The following CLU variants were observed in gnomAD, a reference collection of about 807,000 sequenced individuals.
The protein encoded by CLU is clusterin.
A neutral mutation model predicts 46.4 loss-of-function variants in CLU; 25 were observed. That is an observed-to-expected ratio of 0.54 (90% CI 0.39 to 0.75). The LOEUF is 0.75. CLU is among the 30% of genes least tolerant of loss of function. The pLI, the probability that CLU is intolerant of heterozygous loss-of-function variation, is 0.00. For missense variants in CLU, 504 were observed against 592.1 expected (o/e 0.85, Z 1.54); for synonymous variants, 235 against 235.1 (o/e 1.00, Z 0.00).
At chr8:27,608,100 C>T (rs531752658) in intron 3 of CLU, among the ~76,000 whole-genome samples, 1 of 152,038 alleles carries the variant, frequency 6.6e-6, no homozygotes, top group South Asian at 2.1e-4. Flanking sequence ...CAAGAAAGGG[C>T]ATGAAACTTG....
At chr8:27,608,875 G>A (rs1800870168) in intron 3 of CLU, 63 bp downstream of exon 3, 10 of 1,590,236 alleles carry the variant, frequency 6.3e-6, no homozygotes, top group Non-Finnish European at 8.6e-6. Context: ...ACCGCGCAGT[G>A]ACCCCCTCCC....
chr8:27,598,810 C>T (rs1188762952), intron 7 of CLU, 175 bp from the exon 8 acceptor site: 6 of 650,824 alleles, frequency 9.2e-6, no homozygotes, highest in East Asian at 5.5e-5. Context: ...GTGGACAGAA[C>T]GGACCTGGTT....
rs934124362 is a variant in CLU at position 27,605,282 on chromosome 8, G to A, written c.471C>T (p.Asp157=). Residue 157 remains aspartate, a synonymous_variant, in exon 5 of 9, where the codon GAC becomes GAT. Coordinates refer to ENST00000316403, the MANE Select transcript of CLU (RefSeq NM_001831.4). ...CGTTCTCCAGCAGGGAGTCGATGCG[G>A]TCACCATTCATCCAGAAGTAGAAGG... is the stretch of plus-strand genomic sequence containing the variant. ...SSPFYFWMNG[D]RIDSLLENDR... is the part of the protein sequence containing the mutation. The A allele has an allele frequency of 1.9e-6, 3 of 1,614,080 alleles. No homozygotes were observed. In the African/African-American group the frequency reaches 4.0e-5, roughly 22 times the overall value.
At chr8:27,610,030 A>T (rs1026024625) in intron 2 of CLU, among the ~76,000 whole-genome samples, 9 of 152,148 alleles carry the variant, frequency 5.9e-5, no homozygotes, top group Non-Finnish European at 1.3e-4. Flanking sequence ...AGCTGAGAAG[A>T]GGTGAAACAG....
intron 5 of CLU, 152 bp from the exon 6 acceptor site, chr8:27,604,547 A>C: frequency 1.3e-6 from 1 of 748,252 alleles, no homozygotes; most frequent in Non-Finnish European, 2.3e-6. Context: ...ATCATAGCTC[A>C]CTGCAGCCTC....
At position 27,614,643 on chromosome 8, in the gene CLU, G is replaced by A. The variant is rs1800981840; in HGVS notation, c.-30+12C>T. On this transcript the variant is annotated intron_variant, in intron 1 of 8. Transcript: ENST00000316403. The stretch of plus-strand genomic sequence containing the variant: ...GCTCTGCTCAAGGGTAGGGAAGACG[G>A]GGACATCTCACCGGTCAGCGGCACC... 5.7e-6 allele frequency: 3 copies of A among 526,486 alleles called. No homozygotes were observed. Among genetic ancestry groups the A allele is most frequent in the South Asian group, 1.4e-5 (1 of 71,244 alleles). 32.6% of individuals were successfully genotyped at this position (526,486 alleles called of 1,614,324 possible).
chr8:27,603,707 G>A (rs1025602064), intron 6 of CLU, among the ~76,000 whole-genome samples: 3 of 152,154 alleles, frequency 2.0e-5, no homozygotes, highest in East Asian at 1.9e-4. Flanking sequence ...CAGAGGCTGC[G>A]AGGGGCCCCA....
chr8:27,598,608 C>T lies in CLU; in HGVS notation c.1192G>A (p.Val398Ile), dbSNP rs746198403. 8.1e-6 allele frequency: 13 copies of T among 1,613,974 alleles called. No homozygotes were observed. The highest frequency in any genetic ancestry group is 2.2e-5 in the South Asian group (2 of 91,088). ...TVASHTSDSD[V>I]PSGVTEVVVK... ...ACCACCTCAGTGACACCGGAAGGAACGTCCGAGTCAGAAGTGTGGGAAGCC... is the reference window on the plus strand; with the variant it reads ...ACCACCTCAGTGACACCGGAAGGAATGTCCGAGTCAGAAGTGTGGGAAGCC... The change falls in exon 8 of 9, where the codon GTT (valine) becomes ATT (isoleucine). Residue 398 changes from valine to isoleucine, a missense_variant. By Grantham distance (29) the Val-to-Ile change is conservative. Coordinates refer to ENST00000316403, the MANE Select transcript of CLU (RefSeq NM_001831.4).
Position 27,605,324 on chromosome 8 carries a change from G to C in CLU, c.429C>G (p.Phe143Leu). The change falls in exon 5 of 9, where the codon TTC becomes TTG. Residue 143 changes from phenylalanine to leucine, a missense_variant. Phe to Leu is a conservative substitution (Grantham distance 22). Transcript: ENST00000316403. ...AGTAGAAGGGCGAGCTCTGGTTCAG[G>C]AACTCCTCAAGCTGGGACAGCCAGC... is the stretch of plus-strand genomic sequence containing the variant. ...SGLVGRQLEE[F>L]LNQSSPFYFW... 3 of 1,614,158 alleles carry C rather than the reference G, an allele frequency of 1.9e-6. No homozygotes were observed. Among genetic ancestry groups the C allele is most frequent in the Non-Finnish European group, 2.5e-6 (3 of 1,180,020 alleles).
In CLU at chr8:27,599,728, C is replaced by A. The variant is rs746888367; in HGVS notation, c.1164+52G>T. The A allele has an allele frequency of 1.1e-5, 15 of 1,385,986 alleles. No homozygotes were observed. Among genetic ancestry groups the A allele is most frequent in the Non-Finnish European group, 1.5e-5 (15 of 990,894 alleles). The allele number at this position is 1,385,986 out of a possible 1,614,324, so 85.9% of individuals were successfully genotyped here. A position where few individuals can be genotyped will look rare whatever the true frequency, so the allele number is the denominator to read the frequency against. On this transcript the variant is annotated intron_variant, in intron 7 of 8. Coordinates refer to ENST00000316403, the MANE Select transcript of CLU (RefSeq NM_001831.4). The surrounding 1 kb of genome is among the most constrained non-coding windows in gnomAD (Gnocchi z 4.0). ...TCAAAAGCACACATGCCCCTGCTCC[C>A]GATCACAGCTCGGGCTCCCGAGCCA... is the stretch of plus-strand genomic sequence containing the variant.
rs1361381351 is a variant in CLU at position 27,596,946 on chromosome 8, G to A, written c.*1295C>T. The A allele has an allele frequency of 2.2e-6, 1 of 452,746 alleles. No homozygotes were observed. The highest frequency in any genetic ancestry group is 4.4e-6 in the Non-Finnish European group (1 of 226,010). 28.0% of individuals were successfully genotyped at this position (452,746 alleles called of 1,614,324 possible). A position where few individuals can be genotyped will look rare whatever the true frequency, so the allele number is the denominator to read the frequency against. Reference sequence around the variant, plus strand: ...TTTTGAAACAGTGTGACATTAATGTGACAATGTGACATATACTTTACAATT... The same window carrying A: ...TTTTGAAACAGTGTGACATTAATGTAACAATGTGACATATACTTTACAATT... On this transcript the variant is annotated 3_prime_UTR_variant, in exon 9 of 9. Transcript: ENST00000316403.
rs767255672 is a variant in CLU at position 27,597,281 on chromosome 8, G to A, written c.*960C>T. On this transcript the variant is annotated 3_prime_UTR_variant, in exon 9 of 9. Transcript: ENST00000316403. ...ATCAGAGAATGTTAATGAACGAAAA[G>A]CCTGAGCTTTAAGACTGAGATTGGT... The A allele has an allele frequency of 5.3e-5, 24 of 454,404 alleles. 2 individuals are homozygous for A. Among genetic ancestry groups the A allele is most frequent in the South Asian group, 3.7e-4 (24 of 64,480 alleles). The allele number at this position is 454,404 out of a possible 1,614,324, so 28.1% of individuals were successfully genotyped here.
intron 4 of CLU, 118 bp from the exon 5 acceptor site, chr8:27,605,453 A>C: frequency 9.4e-7 from 1 of 1,067,784 alleles, no homozygotes; most frequent in East Asian, 2.6e-5. Flanking sequence ...GTCACACAGC[A>C]AGTGACCAAC....
chr8:27,599,748 G>C lies in CLU; in HGVS notation c.1164+32C>G. 1 of 1,526,636 alleles carries C rather than the reference G, an allele frequency of 6.6e-7. No individual in the cohort carries two copies. 94.6% of individuals were successfully genotyped at this position (1,526,636 alleles called of 1,614,324 possible). On this transcript the variant is annotated intron_variant, in intron 7 of 8. Transcript: ENST00000316403. The surrounding 1 kb of genome is among the most constrained non-coding windows in gnomAD (Gnocchi z 4.0). ...GCTCCCGATCACAGCTCGGGCTCCCGAGCCACAGCATGTGGCCGGGACACA... is the reference window on the plus strand; with the variant it reads ...GCTCCCGATCACAGCTCGGGCTCCCCAGCCACAGCATGTGGCCGGGACACA...
intron 3 of CLU, 114 bp from the exon 4 acceptor site, chr8:27,606,638 C>T (rs1348899121): frequency 1.6e-6 from 2 of 1,260,160 alleles, no homozygotes; most frequent in Non-Finnish European, 2.3e-6. Context: ...ATAGGCTGGC[C>T]ACCCAGCATG....
intron 6 of CLU, among the ~76,000 whole-genome samples, chr8:27,603,763 C>T (rs546837488): frequency 7.2e-5 from 11 of 152,250 alleles, no homozygotes; most frequent in African/African-American, 1.9e-4. Context: ...TCGCCCATGT[C>T]GGGGTCAATC....
At position 27,598,458 on chromosome 8, in the gene CLU, A is replaced by G; in HGVS notation, c.1340+2T>C. On this transcript the variant is annotated splice_donor_variant, in intron 8 of 8. Transcript: ENST00000316403. LOFTEE classifies it high-confidence loss of function. ...GCCCGCAGGAAAGGCCCGCCTGCTT[A>G]CCGGTGCTTTTTGCGGTATTCCTGC... 1 of 1,613,884 alleles carries G rather than the reference A, an allele frequency of 6.2e-7. No homozygotes were observed. The highest frequency in any genetic ancestry group is 8.5e-7 in the Non-Finnish European group (1 of 1,179,990).
intron 6 of CLU, among the ~76,000 whole-genome samples, chr8:27,603,746 G>A (rs9331923): frequency 0.056 from 8,507 of 152,210 alleles, 834 homozygotes; most frequent in African/African-American, 0.19. Context: ...TAGGATTGAA[G>A]CCCAGCTCGC....
Position 27,599,915 on chromosome 8 carries a change from C to G in CLU, c.1029G>C (p.Glu343Asp), listed in dbSNP as rs145083142. The G allele has an allele frequency of 5.4e-5, 87 of 1,614,112 alleles. No individual in the cohort carries two copies. In the African/African-American group the frequency reaches 9.9e-4, roughly 18 times the overall value. ...VAERLTRKYN[E>D]LLKSYQWKML... is the part of the protein sequence containing the mutation. ...TCTTCCACTGGTAGGACTTTAGCAG[C>G]TCGTTGTATTTCCTGGTCAACCTCT... The change falls in exon 7 of 9, where the codon GAG becomes GAC. Residue 343 changes from glutamate (E) to aspartate (D), a missense_variant. This residue lies in a region of CLU where 428 missense variants were observed against 484.0 expected (regional missense o/e 0.88). Coordinates refer to ENST00000316403, the MANE Select transcript of CLU (RefSeq NM_001831.4). This position sits in a 1 kb window ranked among gnomAD's most constrained non-coding sequence, Gnocchi z 4.0.
Sources: allele counts gnomAD v4.1 joint callset (sites outside exome capture counted in the v4.1 genomes callset), GRCh38; gene constraint gnomAD v4.1.1; regional missense constraint gnomAD v4.1.1; non-coding constraint Gnocchi (gnomAD v3.1); transcripts MANE v1.5; gene names NCBI Gene and HGNC (gene_info 2026-07-23, HGNC 2026-07-21).